IQSEC3: variants seen among roughly 807,000 people sequenced by gnomAD.
The protein encoded by IQSEC3 is IQ motif and SEC7 domain-containing protein 3.
In IQSEC3, 50 loss-of-function variants were observed where a neutral mutation model predicts 105.4. The ratio of observed to expected loss-of-function variants is 0.47; its 90% CI spans 0.38 to 0.60. The LOEUF is 0.60. IQSEC3 is among the 20% of genes least tolerant of loss of function. The probability of loss-of-function intolerance (pLI) is 0.00; values close to 1 mark genes in which losing one functional copy is unlikely to be tolerated. For synonymous variants in IQSEC3, 708 were observed against 746.0 expected, an observed-to-expected ratio of 0.95 and a Z score of 0.83; for missense variants, 1,415 against 1,630.0, an observed-to-expected ratio of 0.87 and a Z score of 2.27.
At chr12:83,027 A>G (rs376030433) in intron 1 of IQSEC3, among the ~76,000 whole-genome samples, 2 of 152,236 alleles carry the variant, frequency 1.3e-5, no homozygotes, top group Non-Finnish European at 2.9e-5. Flanking sequence ...CCATCAGGAT[A>G]TATCAGCCTG....
intron 3 of IQSEC3, 36 bp downstream of exon 3, chr12:125,948 T>C: frequency 6.6e-7 from 1 of 1,517,778 alleles, no homozygotes; most frequent in South Asian, 1.2e-5. Context: ...GGGAGGGTGG[T>C]GAAGGGGCCC....
In IQSEC3 at chr12:177,477, C is replaced by G. The variant is rs1939274773; in HGVS notation, c.*2444C>G. On this transcript the variant is annotated 3_prime_UTR_variant, in exon 14 of 14. Transcript: ENST00000538872. The surrounding 1 kb of genome is among the most constrained non-coding windows in gnomAD (Gnocchi z 5.3). ...CCCGGACTCTCAGGCACCTCAGTGC[C>G]CCTGCCCCAGGGCAGAGGCCCACCC... 6.6e-6 allele frequency: 1 copy of G among 152,296 alleles called. No individual in the cohort carries two copies. 9.4% of individuals were successfully genotyped at this position (152,296 alleles called of 1,614,324 possible).
intron 3 of IQSEC3, among the ~76,000 whole-genome samples, chr12:131,604 C>A (rs1555085148): frequency 6.6e-6 from 1 of 152,204 alleles, no homozygotes; most frequent in East Asian, 1.9e-4. Flanking sequence ...TAGTTCATGT[C>A]TGCAAACACT....
In IQSEC3 at chr12:143,108, G is replaced by C. The variant is rs139761863; in HGVS notation, c.2153+1823G>C. 1,153 of 152,632 alleles carry C rather than the reference G, an allele frequency of 7.6e-3. 18 individuals are homozygous for C. Among genetic ancestry groups the C allele is most frequent in the Middle Eastern group, 0.057 (17 of 296 alleles). The allele number at this position is 152,632 out of a possible 1,614,324, so 9.5% of individuals were successfully genotyped here. ...CCTGCAGCCCAGGTGGTGCTGAGTC[G>C]CACAATGGAAACTAATTGCCCTCTT... is the stretch of plus-strand genomic sequence containing the variant. On this transcript the variant is annotated intron_variant, in intron 5 of 13. Transcript: ENST00000538872.
intron 10 of IQSEC3, 77 bp downstream of exon 10, chr12:165,610 G>A (rs1365143749): frequency 1.9e-6 from 3 of 1,570,820 alleles, no homozygotes; most frequent in Non-Finnish European, 2.6e-6. Context: ...TGAGGGAGAA[G>A]GGCTGGACAG....
chr12:174,702 G>A lies in IQSEC3; in HGVS notation c.3218G>A (p.Arg1073Lys). 4 of 1,593,614 alleles carry A rather than the reference G, an allele frequency of 2.5e-6. No individual in the cohort carries two copies. The highest frequency in any genetic ancestry group is 3.4e-6 in the Non-Finnish European group (4 of 1,177,998). Residue 1073 changes from arginine to lysine, a missense_variant, in exon 14 of 14, where the codon AGA becomes AAA. This residue lies in a region of IQSEC3 where 419 missense variants were observed against 436.2 expected (regional missense o/e 0.96). Coordinates refer to ENST00000538872, the MANE Select transcript of IQSEC3 (RefSeq NM_001170738.2). ...CCAGACCTGCAGCCTAGCCCCCCGAGACAGCAGACCCCACCACTGCCGCCG... is the reference window on the plus strand; with the variant it reads ...CCAGACCTGCAGCCTAGCCCCCCGAAACAGCAGACCCCACCACTGCCGCCG... ...PPPDLQPSPP[R>K]QQTPPLPPPP... is the part of the protein sequence containing the mutation.
intron 1 of IQSEC3, among the ~76,000 whole-genome samples, chr12:95,160 C>T (rs868994632): frequency 2.6e-5 from 4 of 152,178 alleles, no homozygotes; most frequent in South Asian, 4.1e-4. Flanking sequence ...GAATGAACCT[C>T]GGGCTGGAAG....
chr12:165,192 C>T, intron 9 of IQSEC3: 2 of 546,860 alleles, frequency 3.7e-6, no homozygotes, highest in Non-Finnish European at 3.3e-6. Flanking sequence ...GTGGGTTTTA[C>T]AGGCCAGCTC....
chr12:123,383 G>C (rs562836936), intron 2 of IQSEC3, among the ~76,000 whole-genome samples: 6 of 152,320 alleles, frequency 3.9e-5, no homozygotes, highest in African/African-American at 1.2e-4. Context: ...TGAGGCTGCA[G>C]TGAGCTGTGA....
intron 3 of IQSEC3, 137 bp downstream of exon 3, chr12:126,049 G>A (rs944180095): frequency 8.9e-5 from 84 of 941,608 alleles, no homozygotes; most frequent in Middle Eastern, 6.7e-4. Flanking sequence ...CTCCTGCATT[G>A]AGCGACCTAG....
chr12:90,807 C>T (rs1169505876), intron 1 of IQSEC3, among the ~76,000 whole-genome samples: 2 of 152,180 alleles, frequency 1.3e-5, no homozygotes, highest in African/African-American at 4.8e-5. Flanking sequence ...CCCTCCTCCT[C>T]CTCACCCCAG....
chr12:127,628 C>T (rs901789073), intron 3 of IQSEC3, among the ~76,000 whole-genome samples: 2 of 152,044 alleles, frequency 1.3e-5, no homozygotes, highest in Admixed American at 6.5e-5. Flanking sequence ...CTCCCAGCTT[C>T]GAAAACCCCA....
rs58053657 is a variant in IQSEC3, at chr12:107,402, C to CTTTT, written c.623+8210_623+8213dup. 3.6e-3 allele frequency among the ~76,000 whole-genome samples: 277 copies of CTTTT among 75,998 alleles called. 3 individuals carry two copies. The highest frequency in any genetic ancestry group is 7.3e-3 in the East Asian group (17 of 2,342). The allele number at this position is 75,998 out of a possible 152,430, so 49.9% of individuals were successfully genotyped here. On this transcript the variant is annotated intron_variant, in intron 2 of 13. Coordinates refer to ENST00000538872, the MANE Select transcript of IQSEC3 (RefSeq NM_001170738.2). The stretch of plus-strand genomic sequence containing the variant: ...AGGTTTCCCTCCGGTAGTCTGTTTT[C>CTTTT]TTTTTTTTTTTTTTTTTTTTTTTTT...
At chr12:170,463 A>G (rs1938923674) in intron 12 of IQSEC3, among the ~76,000 whole-genome samples, 1 of 152,210 alleles carries the variant, frequency 6.6e-6, no homozygotes, top group African/African-American at 2.4e-5. Context: ...AGGGCTGAGC[A>G]CAGCAGGGGG....
intron 2 of IQSEC3, among the ~76,000 whole-genome samples, chr12:122,232 C>G (rs1182524014): frequency 6.6e-6 from 1 of 152,168 alleles, no homozygotes; most frequent in African/African-American, 2.4e-5. Flanking sequence ...GGCCAGTGGG[C>G]CTTGATAGGC....
At chr12:125,160 T>G (rs1273910904) in intron 2 of IQSEC3, among the ~76,000 whole-genome samples, 1 of 152,088 alleles carries the variant, frequency 6.6e-6, no homozygotes, top group African/African-American at 2.4e-5. Context: ...ATACTTACAA[T>G]AGGTAACACA....
At chr12:86,442 C>T (rs901918440) in intron 1 of IQSEC3, among the ~76,000 whole-genome samples, 4 of 152,184 alleles carry the variant, frequency 2.6e-5, no homozygotes, top group South Asian at 2.1e-4. Flanking sequence ...GTGCGGTAAT[C>T]GGGTCTGGGA....
intron 9 of IQSEC3, among the ~76,000 whole-genome samples, chr12:165,149 C>A (rs1273063006): frequency 2.0e-5 from 3 of 152,198 alleles, no homozygotes; most frequent in African/African-American, 4.8e-5. Flanking sequence ...GACACTTGGG[C>A]AGAAGGCCAG....
In IQSEC3 at chr12:139,049, G is replaced by A. The variant is rs1555088053; in HGVS notation, c.1686G>A (p.Ala562=). The change falls in exon 4 of 14, where the codon GCG becomes GCA. Residue 562 remains alanine, a synonymous_variant. Transcript: ENST00000538872. The stretch of plus-strand genomic sequence containing the variant: ...GCGCAGAGGCTGCGGCTAGTGGGGC[G>A]GCGGATGGGGCCACAGCCCCCAAAA... ...DSCAEAAASG[A]ADGATAPKTE... 2 of 1,484,210 alleles carry A rather than the reference G, an allele frequency of 1.3e-6. No homozygotes were observed. The highest frequency in any genetic ancestry group is 1.3e-5 in the South Asian group (1 of 74,626). 91.9% of individuals were successfully genotyped at this position (1,484,210 alleles called of 1,614,324 possible).
Sources: gnomAD v4.1 joint callset for allele counts (sites outside exome capture counted in the v4.1 genomes callset) on GRCh38, gnomAD v4.1.1 for gene constraint, gnomAD v4.1.1 regional missense constraint, Gnocchi (gnomAD v3.1) non-coding constraint, MANE v1.5 for transcripts, NCBI Gene and HGNC (gene_info 2026-07-23, HGNC 2026-07-21) for gene names.